Variants in TANGO6 observed in about 807,000 individuals in gnomAD.
TANGO6 encodes transport and golgi organization 6 homolog.
In TANGO6, 90 loss-of-function variants were observed where a neutral mutation model predicts 114.2. That is an observed-to-expected ratio of 0.79 (90% CI 0.66 to 0.94). TANGO6 has a LOEUF of 0.94. TANGO6 is among the 40% of genes least tolerant of loss of function. The probability of loss-of-function intolerance (pLI) is 0.00; values close to 1 mark genes in which losing one functional copy is unlikely to be tolerated. For synonymous variants in TANGO6, 477 were observed against 509.8 expected (o/e 0.94, Z 0.87); for missense variants, 1,274 against 1,315.3 (o/e 0.97, Z 0.49).
chr16:69,030,895 A>AG (rs1959582980), intron 16 of TANGO6, among the ~76,000 whole-genome samples: 1 of 151,630 alleles, frequency 6.6e-6, no homozygotes, highest in Non-Finnish European at 1.5e-5. Context: ...ACTAAAAAAA[A>AG]AAATACAAAA....
rs1963938989 is a variant in TANGO6, at chr16:68,990,683, A to G, written c.2842+16515A>G. ...CAGCTTCCCAAAGTGCTGAGATTAT[A>G]GGCATGAGCCACCATGCCTGGCTAC... On this transcript the variant is annotated intron_variant, in intron 15 of 17. Transcript: ENST00000261778. Among the ~76,000 whole-genome samples the G allele has an allele frequency of 2.0e-5, 3 of 152,200 alleles. No individual in the cohort carries two copies. In the South Asian group the frequency reaches 6.2e-4, roughly 32 times the overall value.
At chr16:68,939,314 C>T (rs1402651628) in intron 14 of TANGO6, among the ~76,000 whole-genome samples, 10 of 151,948 alleles carry the variant, frequency 6.6e-5, no homozygotes, top group East Asian at 1.9e-4. Context: ...CACTTGAACC[C>T]GGGAGGCGGA....
chr16:69,026,310 C>CT (rs1209921293), intron 16 of TANGO6: 5 of 151,532 alleles, frequency 3.3e-5, no homozygotes, highest in African/African-American at 4.8e-5. Flanking sequence ...TGACTTCAAA[C>CT]TTTTTTTTTG....
intron 14 of TANGO6, among the ~76,000 whole-genome samples, chr16:68,970,127 C>T (rs1367633368): frequency 1.3e-5 from 2 of 152,140 alleles, no homozygotes; most frequent in African/African-American, 4.8e-5. Flanking sequence ...TACAAGTTCA[C>T]ACCTGGAGGG....
intron 14 of TANGO6, among the ~76,000 whole-genome samples, chr16:68,949,395 C>T (rs920244085): frequency 2.6e-5 from 4 of 151,984 alleles, no homozygotes; most frequent in African/African-American, 9.7e-5. Context: ...CCGAGGCAGG[C>T]AGATCACTAG....
chr16:69,030,853 C>T (rs1959582382), intron 16 of TANGO6, among the ~76,000 whole-genome samples: 1 of 151,552 alleles, frequency 6.6e-6, no homozygotes, highest in African/African-American at 2.4e-5. Context: ...AGATCGAGAC[C>T]ATCCTGGCCA....
At chr16:69,012,532 G>C (rs2152224553) in intron 15 of TANGO6, among the ~76,000 whole-genome samples, 1 of 136,758 alleles carries the variant, frequency 7.3e-6, no homozygotes, top group East Asian at 2.1e-4. Flanking sequence ...CTCCAGCCTG[G>C]GCAACAAGAG....
At chr16:68,932,365 A>G (rs1342550381) in intron 14 of TANGO6, among the ~76,000 whole-genome samples, 1 of 152,206 alleles carries the variant, frequency 6.6e-6, no homozygotes, top group East Asian at 1.9e-4. Flanking sequence ...TCCTAAGATG[A>G]TAGGCGTGAG....
chr16:68,907,399 A>G (rs368629455), intron 9 of TANGO6, 44 bp from the exon 10 acceptor site: 1 of 1,517,602 alleles, frequency 6.6e-7, no homozygotes, highest in African/African-American at 1.4e-5. Context: ...AATTATGTGT[A>G]TCTCTGGTGA....
chr16:68,942,557 C>T (rs1963365150), intron 14 of TANGO6, among the ~76,000 whole-genome samples: 1 of 152,108 alleles, frequency 6.6e-6, no homozygotes, highest in Non-Finnish European at 1.5e-5. Flanking sequence ...TGAATTTAAT[C>T]TGACATAGGA....
At chr16:68,869,031 T>C (rs866148183) in intron 4 of TANGO6, among the ~76,000 whole-genome samples, 4 of 152,262 alleles carry the variant, frequency 2.6e-5, no homozygotes, top group African/African-American at 9.6e-5. Context: ...ACAGCTGATC[T>C]ATATTGTATA....
At chr16:68,965,005 T>C (rs140423281) in intron 14 of TANGO6, among the ~76,000 whole-genome samples, 69 of 152,318 alleles carry the variant, frequency 4.5e-4, no homozygotes, top group Middle Eastern at 6.8e-3. Context: ...GTACATAAAG[T>C]GATTTCCTGC....
At chr16:69,012,746 C>A (rs1361833415) in intron 15 of TANGO6, among the ~76,000 whole-genome samples, 1 of 152,054 alleles carries the variant, frequency 6.6e-6, no homozygotes, top group Non-Finnish European at 1.5e-5. Context: ...TCATTTAATG[C>A]ATATCTTTAA....
chr16:68,971,733 G>A (rs1963707037), intron 14 of TANGO6, among the ~76,000 whole-genome samples: 2 of 151,876 alleles, frequency 1.3e-5, no homozygotes, highest in South Asian at 4.2e-4. Context: ...TGGGGTTCAA[G>A]CGATTCTCCT....
intron 17 of TANGO6, among the ~76,000 whole-genome samples, chr16:69,064,684 CA>C (rs1380189871): frequency 6.6e-6 from 1 of 152,192 alleles, no homozygotes; most frequent in East Asian, 1.9e-4. Flanking sequence ...TGTCCTTGAG[CA>C]AATCTCTAAA....
intron 4 of TANGO6, among the ~76,000 whole-genome samples, chr16:68,873,950 A>G (rs1410402581): frequency 6.6e-6 from 1 of 152,230 alleles, no homozygotes; most frequent in Non-Finnish European, 1.5e-5. Context: ...TTGTACTAAG[A>G]TAATAGACTT....
chr16:69,012,324 A>G lies in TANGO6; in HGVS notation c.2843-10504A>G, dbSNP rs1007727909. Among the ~76,000 whole-genome samples, 3 of 152,154 alleles carry G rather than the reference A, an allele frequency of 2.0e-5. No homozygotes were observed. The East Asian group carries it at 5.8e-4, about 29-fold the overall frequency. On this transcript the variant is annotated intron_variant, in intron 15 of 17. Transcript: ENST00000261778. ...GTAATCCCAGCATTTTGGGAGGCCG[A>G]GGTGGTCGGATCACCTGAGGTTGGG...
intron 17 of TANGO6, among the ~76,000 whole-genome samples, chr16:69,062,364 C>T (rs1393484761): frequency 6.6e-6 from 1 of 152,148 alleles, no homozygotes; most frequent in Non-Finnish European, 1.5e-5. Context: ...TTTTTGCCTA[C>T]CATCCTGCAT....
chr16:68,990,542 G>A (rs965286109), intron 15 of TANGO6, among the ~76,000 whole-genome samples: 2 of 152,124 alleles, frequency 1.3e-5, no homozygotes, highest in African/African-American at 4.8e-5. Context: ...ATTTGGTTGG[G>A]GACACAGCCA....
Sources: gnomAD v4.1 joint callset for allele counts (sites outside exome capture counted in the v4.1 genomes callset) on GRCh38, gnomAD v4.1.1 for gene constraint, MANE v1.5 for transcripts, NCBI Gene and HGNC (gene_info 2026-07-23, HGNC 2026-07-21) for gene names.